Variants in PPP1R1C observed in about 807,000 individuals in gnomAD.
PPP1R1C encodes protein phosphatase 1 regulatory inhibitor subunit 1C.
In PPP1R1C, 15 loss-of-function variants were observed where a neutral mutation model predicts 17.4. That is an observed-to-expected ratio of 0.86 (90% CI 0.58 to 1.33). PPP1R1C has a LOEUF of 1.33. PPP1R1C is among the 40% of genes most tolerant of loss of function. The pLI is 0.00. For synonymous variants in PPP1R1C, 35 were observed against 43.1 expected (o/e 0.81, Z 0.73); for missense variants, 143 against 130.0 (o/e 1.10, Z -0.48).
At chr2:182,046,683 G>A (rs552234154) in intron 2 of PPP1R1C, among the ~76,000 whole-genome samples, 2 of 151,404 alleles carry the variant, frequency 1.3e-5, no homozygotes, top group East Asian at 3.9e-4. Context: ...AGGTTGCAGT[G>A]AGCCGAGATT....
At chr2:182,065,184 G>C (rs1687952016) in intron 4 of PPP1R1C, among the ~76,000 whole-genome samples, 1 of 152,030 alleles carries the variant, frequency 6.6e-6, no homozygotes, top group South Asian at 2.1e-4. Context: ...ATAATCATTT[G>C]TGGTCATAAG....
rs1160428717 is a variant in PPP1R1C at position 181,961,617 on chromosome 2, C to T, written n.111+6983C>T. On this transcript the variant is annotated intron_variant and non_coding_transcript_variant, in intron 1 of 5. Coordinates refer to the PPP1R1C transcript ENST00000464264. This position sits in a 1 kb window ranked among gnomAD's most constrained non-coding sequence, Gnocchi z 5.8. ...TGAGCGTCATCTCAGCATCTCCAAC[C>T]TTGGTGGACTGCGTAGTGACCACTG... 5.4e-6 allele frequency: 4 copies of T among 741,878 alleles called. No homozygotes were observed. Among genetic ancestry groups the T allele is most frequent in the African/African-American group, 3.4e-5 (2 of 58,718 alleles). 46.0% of individuals were successfully genotyped at this position (741,878 alleles called of 1,614,324 possible). A position where few individuals can be genotyped will look rare whatever the true frequency, so the allele number is the denominator to read the frequency against.
intron 2 of PPP1R1C, among the ~76,000 whole-genome samples, chr2:182,005,077 A>G (rs1238838110): frequency 1.3e-5 from 2 of 152,208 alleles, no homozygotes; most frequent in African/African-American, 2.4e-5. Context: ...ATTATAAACT[A>G]ATTTATTAGA....
intron 2 of PPP1R1C, among the ~76,000 whole-genome samples, chr2:181,991,793 A>T (rs1392428276): frequency 6.6e-6 from 1 of 152,154 alleles, no homozygotes; most frequent in East Asian, 1.9e-4. Context: ...ACAGGAGAGC[A>T]TTATTATCTA....
chr2:181,977,130 TCTAAAAAAAAAAAAAAA>T (rs1685105787), intron 2 of PPP1R1C, among the ~76,000 whole-genome samples: 2 of 37,302 alleles, frequency 5.4e-5, no homozygotes, highest in African/African-American at 9.4e-5. Flanking sequence ...TGAGAATCTA[TCTAAAAAAAAAAAAAAA>T]AAAAAAAAAA....
Position 181,986,021 on chromosome 2 carries a change from T to A in PPP1R1C, c.-90T>A, listed in dbSNP as rs934354732. 6 of 957,546 alleles carry A rather than the reference T, an allele frequency of 6.3e-6. No homozygotes were observed. The African/African-American group carries it at 9.6e-5, about 15-fold the overall frequency. The allele number at this position is 957,546 out of a possible 1,614,324, so 59.3% of individuals were successfully genotyped here. A position where few individuals can be genotyped will look rare whatever the true frequency, so the allele number is the denominator to read the frequency against. Reference sequence around the variant, plus strand: ...TTACGAAGCACTCTGTGTGGCTTAGTGGAGTGTGTCTGAGGAAACACATCC... The same window carrying A: ...TTACGAAGCACTCTGTGTGGCTTAGAGGAGTGTGTCTGAGGAAACACATCC... On this transcript the variant is annotated 5_prime_UTR_variant, in exon 1 of 5. Coordinates refer to ENST00000682840, the MANE Select transcript of PPP1R1C (RefSeq NM_001080545.3).
In PPP1R1C at chr2:182,076,181, C is replaced by CTTTTTTTTTTTT. The variant is rs1319925818; in HGVS notation, c.241+12400_241+12401insTTTTTTTTTTTT. Among the ~76,000 whole-genome samples, 8 of 47,486 alleles carry CTTTTTTTTTTTT rather than the reference C, an allele frequency of 1.7e-4. 1 individual carries two copies. The highest frequency in any genetic ancestry group is 6.1e-4 in the African/African-American group (7 of 11,570). The allele number at this position is 47,486 out of a possible 152,430, so 31.2% of individuals were successfully genotyped here. On this transcript the variant is annotated intron_variant, in intron 4 of 4. Transcript: ENST00000682840. ...TTATCTATAAATCAAGGATTTTGAA[C>CTTTTTTTTTTTT]TTTTTTTTTTCTTTTCTTTTTTTTT...
chr2:182,080,554 G>A (rs923853894), intron 4 of PPP1R1C, among the ~76,000 whole-genome samples: 27 of 152,048 alleles, frequency 1.8e-4, no homozygotes, highest in African/African-American at 6.5e-4. Flanking sequence ...AATACATCAC[G>A]TAATACACAT....
At position 182,117,551 on chromosome 2, in the gene PPP1R1C, T is replaced by C; in HGVS notation, c.*256T>C. 1 of 359,374 alleles carries C rather than the reference T, an allele frequency of 2.8e-6. No homozygotes were observed. Among genetic ancestry groups the C allele is most frequent in the South Asian group, 6.2e-5 (1 of 16,206 alleles). 22.3% of individuals were successfully genotyped at this position (359,374 alleles called of 1,614,324 possible). A position where few individuals can be genotyped will look rare whatever the true frequency, so the allele number is the denominator to read the frequency against. On this transcript the variant is annotated 3_prime_UTR_variant, in exon 5 of 5. Transcript: ENST00000682840. ...TCTTCTTTTTAACTATGTAAAAATTTGCATACATGTGACTGTTCTAACTTT... is the reference window on the plus strand; with the variant it reads ...TCTTCTTTTTAACTATGTAAAAATTCGCATACATGTGACTGTTCTAACTTT...
At chr2:181,978,117 G>C (rs756251959) in intron 2 of PPP1R1C, among the ~76,000 whole-genome samples, 41 of 152,148 alleles carry the variant, frequency 2.7e-4, no homozygotes, top group African/African-American at 9.7e-4. Context: ...TTGTGCAGGG[G>C]AAGTCCCAGT....
At chr2:182,110,230 G>A (rs1878093) in intron 4 of PPP1R1C, among the ~76,000 whole-genome samples, 37,024 of 151,656 alleles carry the variant, frequency 0.24, 5,076 homozygotes, top group African/African-American at 0.37. Context: ...TCTGTACTCC[G>A]TATTTATATT....
upstream of PPP1R1C, among the ~76,000 whole-genome samples, chr2:181,982,997 G>A (rs566523291): frequency 4.6e-5 from 7 of 152,192 alleles, no homozygotes; most frequent in South Asian, 1.5e-3. Context: ...TCCAACTTTA[G>A]GCTCTCCTTT....
At chr2:181,983,061 GT>G (rs1212456490), upstream of PPP1R1C, among the ~76,000 whole-genome samples, 1 of 152,092 alleles carries the variant, frequency 6.6e-6, no homozygotes, top group African/African-American at 2.4e-5. Context: ...TAGTATCCTA[GT>G]CATGCTACTT....
At chr2:182,009,037 G>C (rs561954705) in intron 2 of PPP1R1C, among the ~76,000 whole-genome samples, 37 of 152,284 alleles carry the variant, frequency 2.4e-4, no homozygotes, top group African/African-American at 8.9e-4. Context: ...TCTGTTGATG[G>C]ACACTTAGAT....
intron 1 of PPP1R1C, among the ~76,000 whole-genome samples, chr2:181,958,728 C>A (rs919953476): frequency 6.6e-6 from 1 of 152,192 alleles, no homozygotes; most frequent in African/African-American, 2.4e-5. Flanking sequence ...GTAAATAAAT[C>A]ATACACTATG....
At chr2:182,020,189 T>C (rs2125162303) in intron 2 of PPP1R1C, among the ~76,000 whole-genome samples, 1 of 152,320 alleles carries the variant, frequency 6.6e-6, no homozygotes, top group Non-Finnish European at 1.5e-5. Context: ...TGGTAAGCTA[T>C]TTTAGTATAT....
chr2:182,089,477 A>G (rs1216156323), intron 4 of PPP1R1C, among the ~76,000 whole-genome samples: 4 of 152,218 alleles, frequency 2.6e-5, no homozygotes, highest in Non-Finnish European at 5.9e-5. Context: ...GCCCTTTTCT[A>G]GGAAATCTTC....
chr2:181,996,200 G>C (rs1025605202), intron 2 of PPP1R1C, among the ~76,000 whole-genome samples: 12 of 152,236 alleles, frequency 7.9e-5, no homozygotes, highest in African/African-American at 2.9e-4. Flanking sequence ...TAAAACACAA[G>C]TACTCTGAAG....
At chr2:182,087,614 A>G (rs1201757088) in intron 4 of PPP1R1C, among the ~76,000 whole-genome samples, 3 of 152,158 alleles carry the variant, frequency 2.0e-5, no homozygotes, top group Non-Finnish European at 2.9e-5. Context: ...GGTACTCAGG[A>G]AATATCTGTT....
Sources: allele counts gnomAD v4.1 joint callset (sites outside exome capture counted in the v4.1 genomes callset), GRCh38; gene constraint gnomAD v4.1.1; non-coding constraint Gnocchi (gnomAD v3.1); transcripts MANE v1.5; gene names NCBI Gene and HGNC (gene_info 2026-07-23, HGNC 2026-07-21).